DMD: variants seen among roughly 807,000 people sequenced by gnomAD.
DMD encodes mutant dystrophin.
A neutral mutation model predicts 330.1 loss-of-function variants in DMD; 63 were observed. The ratio of observed to expected loss-of-function variants is 0.19; its 90% CI spans 0.16 to 0.24. The LOEUF (loss-of-function observed/expected upper bound fraction) is 0.24. Ranked by LOEUF, DMD falls within the 10% of genes least tolerant of loss-of-function variation. The pLI is 1.00. For synonymous variants in DMD, 1,223 were observed against 959.8 expected (o/e 1.27, Z -5.07); for missense variants, 3,344 against 2,684.1 (o/e 1.25, Z -5.43).
intron 55 of DMD, among the ~76,000 whole-genome samples, chrX:31,581,919 A>T (rs1353070642): frequency 9.0e-6 from 1 of 111,623 alleles, no homozygotes; most frequent in African/African-American, 3.3e-5. Context: ...AACATCGACA[A>T]CAATAATCCT....
rs188916416 is a variant in DMD, at chrX:31,139,065, A to T, written c.10922-4871T>A. ...GATTCATTGCCTGCTCAAATAGCAT[A>T]TTGCTAGTCTTTGGGGGATTTTAAA... On this transcript the variant is annotated intron_variant, in intron 76 of 78. Coordinates refer to ENST00000357033, the MANE Select transcript of DMD (RefSeq NM_004006.3). Among the ~76,000 whole-genome samples, 80 of 112,298 alleles carry T rather than the reference A, an allele frequency of 7.1e-4. No individual in the cohort carries two copies. In the South Asian group the frequency reaches 8.9e-3, roughly 13 times the overall value.
chrX:32,608,460 T>C (rs965459691), intron 12 of DMD, among the ~76,000 whole-genome samples: 4 of 110,424 alleles, frequency 3.6e-5, no homozygotes, highest in Non-Finnish European at 5.7e-5. Context: ...ATTAAGATAT[T>C]TGCATATGGG....
chrX:32,252,861 AATAT>A (rs1569553755), intron 43 of DMD, among the ~76,000 whole-genome samples: 1 of 61,410 alleles, frequency 1.6e-5, no homozygotes, highest in East Asian at 4.5e-4. Flanking sequence ...AATATATATA[AATAT>A]ATAAATATAT....
chrX:32,375,041 T>C (rs376156526), intron 34 of DMD, among the ~76,000 whole-genome samples: 22 of 111,340 alleles, frequency 2.0e-4, no homozygotes, highest in African/African-American at 6.9e-4. Flanking sequence ...CGATTCTCTC[T>C]GAATAGAAGT....
intron 2 of DMD, among the ~76,000 whole-genome samples, chrX:33,012,186 T>A (rs1302024427): frequency 3.6e-5 from 4 of 111,635 alleles, no homozygotes; most frequent in African/African-American, 1.3e-4. Flanking sequence ...AGTAATATCC[T>A]TTGTTACTTA....
chrX:32,944,875 G>C (rs1457738847), intron 2 of DMD, among the ~76,000 whole-genome samples: 4 of 110,712 alleles, frequency 3.6e-5, no homozygotes, highest in African/African-American at 1.3e-4. Flanking sequence ...CAAAGTGCTG[G>C]GATTACAGGC....
chrX:31,525,425 A>G (rs1001093991), intron 55 of DMD, among the ~76,000 whole-genome samples: 8 of 111,925 alleles, frequency 7.1e-5, no homozygotes, highest in African/African-American at 2.6e-4. Flanking sequence ...ATTTAGCACA[A>G]TATTTTGTTT....
chrX:32,685,723 T>A (rs1490072658), intron 9 of DMD, among the ~76,000 whole-genome samples: 2 of 111,897 alleles, frequency 1.8e-5, no homozygotes, highest in Non-Finnish European at 3.8e-5. Context: ...CATGACTTTA[T>A]GTAGCTGAAT....
chrX:32,068,374 ATT>A (rs749610367), intron 44 of DMD, among the ~76,000 whole-genome samples: 1,871 of 64,193 alleles, frequency 0.029, 21 homozygotes, highest in African/African-American at 0.049. Flanking sequence ...CTTGCTTGTC[ATT>A]TTTTTTTTTT....
At chrX:32,362,578 GAC>G (rs913607452) in intron 37 of DMD, among the ~76,000 whole-genome samples, 1 of 110,477 alleles carries the variant, frequency 9.1e-6, no homozygotes, top group African/African-American at 3.3e-5. Context: ...GAGAAAAAGA[GAC>G]AGAGAGAGAC....
At chrX:32,437,677 T>C (rs2098266841) in intron 29 of DMD, among the ~76,000 whole-genome samples, 1 of 112,243 alleles carries the variant, frequency 8.9e-6, no homozygotes, top group Non-Finnish European at 1.9e-5. Context: ...CATTATAAAA[T>C]GGGTTTTCTT....
intron 47 of DMD, among the ~76,000 whole-genome samples, chrX:31,922,413 T>A (rs768954959): frequency 3.5e-4 from 39 of 111,293 alleles, no homozygotes; most frequent in Non-Finnish European, 6.4e-4. Flanking sequence ...TCCAGCAAGT[T>A]AGTTGAACCC....
intron 30 of DMD, among the ~76,000 whole-genome samples, chrX:32,408,957 A>G (rs1488413169): frequency 9.2e-6 from 1 of 108,112 alleles, no homozygotes; most frequent in African/African-American, 3.4e-5. Flanking sequence ...CCCCATCTCT[A>G]TATTTAAAAT....
chrX:31,287,313 A>G (rs1023845363), intron 62 of DMD, among the ~76,000 whole-genome samples: 2 of 112,005 alleles, frequency 1.8e-5, no homozygotes, highest in Non-Finnish European at 3.8e-5. Flanking sequence ...TTAGACCCCA[A>G]TCTGAAAATT....
At chrX:31,529,293 G>A (rs1181053694) in intron 55 of DMD, among the ~76,000 whole-genome samples, 1 of 110,735 alleles carries the variant, frequency 9.0e-6, no homozygotes, top group Non-Finnish European at 1.9e-5. Flanking sequence ...GCTGAAGGAG[G>A]AGGATTGCTT....
At chrX:32,265,610 T>C (rs1035897472) in intron 43 of DMD, among the ~76,000 whole-genome samples, 4 of 112,320 alleles carry the variant, frequency 3.6e-5, no homozygotes, top group African/African-American at 1.3e-4. Flanking sequence ...GGAAGGGGGC[T>C]GTACCCTGCA....
chrX:32,589,369 C>G (rs2054632881), intron 13 of DMD, among the ~76,000 whole-genome samples: 1 of 110,504 alleles, frequency 9.0e-6, no homozygotes, highest in Admixed American at 9.7e-5. Context: ...CTGTATCATC[C>G]TTAATATCAA....
chrX:32,714,483 T>A (rs2065487669), intron 7 of DMD, among the ~76,000 whole-genome samples: 1 of 112,093 alleles, frequency 8.9e-6, no homozygotes, highest in African/African-American at 3.2e-5. Context: ...TCCATGTTGC[T>A]GCAAAAGACA....
At chrX:31,319,055 T>C (rs2056241626) in intron 62 of DMD, among the ~76,000 whole-genome samples, 3 of 112,302 alleles carry the variant, frequency 2.7e-5, no homozygotes, top group Admixed American at 1.9e-4. Flanking sequence ...AATTGATCTC[T>C]CCATTTCTGC....
Sources: gnomAD v4.1 joint callset for allele counts (sites outside exome capture counted in the v4.1 genomes callset) on GRCh38, gnomAD v4.1.1 for gene constraint, MANE v1.5 for transcripts, NCBI Gene and HGNC (gene_info 2026-07-23, HGNC 2026-07-21) for gene names.